The following WDR74 variants were observed in gnomAD, a reference collection of about 807,000 sequenced individuals.
WDR74 encodes WD repeat-containing protein 74.
WDR74 carries 31 observed loss-of-function variants against 45.6 expected under a neutral mutation model. The observed-to-expected ratio is 0.68, with a 90% CI of 0.51 to 0.92. WDR74 has a LOEUF of 0.92. Ranked by LOEUF, WDR74 falls within the 40% of genes least tolerant of loss-of-function variation. The pLI is 0.00. For synonymous variants in WDR74, 191 were observed against 192.4 expected (o/e 0.99, Z 0.06); for missense variants, 455 against 497.2 (o/e 0.92, Z 0.81).
rs777498454 is a variant in WDR74 at position 62,833,967 on chromosome 11, C to G, written c.776-30G>C. 7.5e-6 allele frequency: 12 copies of G among 1,607,722 alleles called. No individual in the cohort carries two copies. In the African/African-American group the frequency reaches 1.5e-4, roughly 20 times the overall value. On this transcript the variant is annotated intron_variant, in intron 8 of 10. Coordinates refer to ENST00000278856, the MANE Select transcript of WDR74 (RefSeq NM_001369450.1). The stretch of plus-strand genomic sequence containing the variant: ...AGAAGGGGGGAAGCATCCGTGATAA[C>G]TGGCTGGCCAATAACCAACCATTCA...
chr11:62,833,223 G>T, intron 10 of WDR74, 92 bp from the exon 11 acceptor site: 1 of 1,347,198 alleles, frequency 7.4e-7, no homozygotes, highest in Non-Finnish European at 1.0e-6. Context: ...CAAGGCAGGA[G>T]GATTGCTTGA....
At chr11:62,834,201 C>A (rs981542855) in intron 8 of WDR74, 75 bp downstream of exon 8, 1 of 1,605,810 alleles carries the variant, frequency 6.2e-7, no homozygotes, top group Middle Eastern at 1.8e-4. Context: ...ACTGGCCCCA[C>A]TGCACCACCT....
chr11:62,840,814 A>G (rs865981461), upstream of WDR74, among the ~76,000 whole-genome samples: 1 of 152,082 alleles, frequency 6.6e-6, no homozygotes, highest in African/African-American at 2.4e-5. Context: ...GAATTACCCA[A>G]TCCGCCCGCC....
Position 62,833,164 on chromosome 11 carries a change from G to A in WDR74, c.979-33C>T, listed in dbSNP as rs192076344. Reference sequence around the variant, plus strand: ...GTGGGAAGAAAGCTTAGGAGTCAGGGGGGCCGGGCACGGTGGCTCCCACCT... The same window carrying A: ...GTGGGAAGAAAGCTTAGGAGTCAGGAGGGCCGGGCACGGTGGCTCCCACCT... On this transcript the variant is annotated intron_variant, in intron 10 of 10. Coordinates refer to ENST00000278856, the MANE Select transcript of WDR74 (RefSeq NM_001369450.1). 32 of 1,606,034 alleles carry A rather than the reference G, an allele frequency of 2.0e-5. No individual in the cohort carries two copies. The African/African-American group carries it at 3.5e-4, about 18-fold the overall frequency.
At position 62,832,979 on chromosome 11, in the gene WDR74, C is replaced by T; in HGVS notation, c.1131G>A (p.Lys377=). The T allele has an allele frequency of 1.9e-6, 3 of 1,606,946 alleles. No homozygotes were observed. The highest frequency in any genetic ancestry group is 1.3e-5 in the African/African-American group (1 of 74,506). Residue 377 remains lysine (K), a synonymous_variant, in exon 11 of 11, where the codon AAG becomes AAA. Coordinates refer to ENST00000278856, the MANE Select transcript of WDR74 (RefSeq NM_001369450.1). The part of the protein sequence containing the change: ...QGALQTRRRK[K]KRPGSTSP ...AGGGGCTGGTGGACCCAGGCCGCTT[C>T]TTCTTTCTCCGTCTCGTTTGGAGAG...
upstream of WDR74, among the ~76,000 whole-genome samples, chr11:62,841,130 A>G (rs1446369953): frequency 2.0e-5 from 3 of 152,206 alleles, no homozygotes; most frequent in Non-Finnish European, 4.4e-5. Flanking sequence ...CACCCTGGCC[A>G]ACATGGTGAA....
chr11:62,833,683 G>C lies in WDR74; in HGVS notation c.922-9C>G. The C allele has an allele frequency of 6.4e-7, 1 of 1,561,024 alleles. No individual in the cohort carries two copies. Among genetic ancestry groups the C allele is most frequent in the South Asian group, 1.2e-5 (1 of 84,992 alleles). Reference sequence around the variant, plus strand: ...TGAGACTTGAGATAAACCTGCAAAAGATGAGGGACCTTAAGGAGCCAGGCA... The same window carrying C: ...TGAGACTTGAGATAAACCTGCAAAACATGAGGGACCTTAAGGAGCCAGGCA... On this transcript the variant is annotated splice_polypyrimidine_tract_variant and intron_variant, in intron 9 of 10. Coordinates refer to ENST00000278856, the MANE Select transcript of WDR74 (RefSeq NM_001369450.1).
upstream of WDR74, chr11:62,841,666 G>A (rs1053099393): frequency 1.2e-4 from 19 of 152,202 alleles, no homozygotes; most frequent in African/African-American, 1.2e-4. Context: ...GTCGATGCGT[G>A]GAGTGGACGG....
Position 62,833,861 on chromosome 11 carries a change from T to C in WDR74, c.852A>G (p.Leu284=), listed in dbSNP as rs372453495. The C allele has an allele frequency of 3.7e-5, 59 of 1,613,838 alleles. No homozygotes were observed. The African/African-American group carries it at 5.2e-4, about 14-fold the overall frequency. The change falls in exon 9 of 11, where the codon CTA becomes CTG. Residue 284 remains leucine, a synonymous_variant. Coordinates refer to ENST00000278856, the MANE Select transcript of WDR74 (RefSeq NM_001369450.1). ...GLQCHPSKPL[L]ASCGLDRVLR... is the part of the protein sequence containing the mutation. ...AGACTCTGTCCAAGCCACAGGAGGC[T>C]AGTAGAGGCTTTGAAGGGTGGCACT...
At position 62,836,009 on chromosome 11, in the gene WDR74, C is replaced by T; in HGVS notation, c.321G>A (p.Gly107=). The T allele has an allele frequency of 3.1e-6, 5 of 1,596,290 alleles. No individual in the cohort carries two copies. The highest frequency in any genetic ancestry group is 4.3e-6 in the Non-Finnish European group (5 of 1,171,324). The part of the protein sequence containing the change: ...DGTLITCVDS[G]ILRVWHDKDK... ...CCTTGTCATGCCAGACTCTGAGAAT[C>T]CCAGAATCCACACATGTGATGAGGG... is the stretch of plus-strand genomic sequence containing the variant. The change falls in exon 4 of 11, where the codon GGG becomes GGA. Residue 107 remains glycine, a synonymous_variant. Coordinates refer to ENST00000278856, the MANE Select transcript of WDR74 (RefSeq NM_001369450.1).
At chr11:62,837,529 C>T (rs1051034892) in intron 3 of WDR74, among the ~76,000 whole-genome samples, 5 of 146,374 alleles carry the variant, frequency 3.4e-5, no homozygotes, top group East Asian at 2.1e-4. Flanking sequence ...AAAAAAAAAA[C>T]GCTTCCTTGT....
chr11:62,836,282 C>T (rs2134888158), intron 3 of WDR74: 1 of 462,830 alleles, frequency 2.2e-6, no homozygotes, highest in East Asian at 3.9e-5. Context: ...GTTAATTCAA[C>T]TTTCTCAACA....
intron 6 of WDR74, chr11:62,834,729 G>T: frequency 1.8e-6 from 1 of 570,652 alleles, no homozygotes; most frequent in Admixed American, 3.2e-5. Flanking sequence ...ACAGAGCTGA[G>T]GGGAGAGGTC....
At chr11:62,838,212 G>C (rs1382712796) in intron 3 of WDR74, among the ~76,000 whole-genome samples, 25 of 152,208 alleles carry the variant, frequency 1.6e-4, no homozygotes. Flanking sequence ...GAGTGCACTG[G>C]TGCGATCTCT....
In WDR74 at chr11:62,834,255, A is replaced by G. The variant is rs1172171651; in HGVS notation, c.775+21T>C. 6 of 1,613,700 alleles carry G rather than the reference A, an allele frequency of 3.7e-6. No homozygotes were observed. The African/African-American group carries it at 8.0e-5, about 22-fold the overall frequency. On this transcript the variant is annotated intron_variant, in intron 8 of 10. Coordinates refer to ENST00000278856, the MANE Select transcript of WDR74 (RefSeq NM_001369450.1). ...TTCTCCCTGCTCCTTCCTTTCCCCC[A>G]ATGTACCCTAGTCCACTCACCTTGC... is the stretch of plus-strand genomic sequence containing the variant.
At chr11:62,841,727 T>C (rs957530317), upstream of WDR74, 29 of 152,308 alleles carry the variant, frequency 1.9e-4, no homozygotes, top group South Asian at 4.1e-4. Flanking sequence ...TAATATATTG[T>C]CCTCGGATAG....
chr11:62,835,195 C>A (rs1478487269), intron 6 of WDR74: 2 of 526,818 alleles, frequency 3.8e-6, no homozygotes, highest in South Asian at 2.2e-5. Flanking sequence ...TGAAGGGGAT[C>A]CACTCTCCTT....
rs1032411158 is a variant in WDR74 at position 62,834,302 on chromosome 11, T to C, written c.749A>G (p.Gln250Arg). 1 of 1,613,972 alleles carries C rather than the reference T, an allele frequency of 6.2e-7. No individual in the cohort carries two copies. Among genetic ancestry groups the C allele is most frequent in the Non-Finnish European group, 8.5e-7 (1 of 1,179,894 alleles). The change falls in exon 8 of 11, where the codon CAG becomes CGG. Residue 250 changes from glutamine (Q) to arginine (R), a missense_variant. Transcript: ENST00000278856. ...NSVIVGNTHGQLAEIDLRQGR... is the reference protein window; with the variant it reads ...NSVIVGNTHGRLAEIDLRQGR... ...TTGCCGAAGGTCAATTTCTGCCAGC[T>C]GCCCATGAGTGTTTCCCACAATCAC...
chr11:62,839,120 G>A lies in WDR74; in HGVS notation c.287C>T (p.Ala96Val), dbSNP rs1425227365. ...GEGMFRGLAQ[A>V]DGTLITCVDS... Reference sequence around the variant, plus strand: ...GCGAGGGGATTGGTCTTACCCGTCGGCCTGGGCGAGGCCACGGAACATGCC... The same window carrying A: ...GCGAGGGGATTGGTCTTACCCGTCGACCTGGGCGAGGCCACGGAACATGCC... Residue 96 changes from alanine to valine, a missense_variant, in exon 3 of 11, where the codon GCC (alanine) becomes GTC (valine). Transcript: ENST00000278856. The A allele has an allele frequency of 6.2e-7, 1 of 1,613,340 alleles. No individual in the cohort carries two copies. Among genetic ancestry groups the A allele is most frequent in the Non-Finnish European group, 8.5e-7 (1 of 1,179,888 alleles).
Sources: gnomAD v4.1 joint callset for allele counts (sites outside exome capture counted in the v4.1 genomes callset) on GRCh38, gnomAD v4.1.1 for gene constraint, MANE v1.5 for transcripts, NCBI Gene and HGNC (gene_info 2026-07-23, HGNC 2026-07-21) for gene names.